The following AFAP1 variants were observed in gnomAD, a reference collection of about 807,000 sequenced individuals.
The protein encoded by AFAP1 is actin filament associated protein 1.
A neutral mutation model predicts 93.9 loss-of-function variants in AFAP1; 75 were observed. That is an observed-to-expected ratio of 0.80 (90% CI 0.66 to 0.97). The LOEUF is 0.97. Ranked by LOEUF, AFAP1 falls within the 50% of genes least tolerant of loss-of-function variation. The pLI is 0.00. For missense variants in AFAP1, 1,201 were observed against 1,050.8 expected (o/e 1.14, Z -1.98); for synonymous variants, 517 against 430.7 (o/e 1.20, Z -2.48).
chr4:7,827,003 C>T (rs12644359), intron 6 of AFAP1, among the ~76,000 whole-genome samples: 4,869 of 151,680 alleles, frequency 0.032, 250 homozygotes, highest in African/African-American at 0.1. Flanking sequence ...AAAAGGCAGG[C>T]GACATAAAGA....
chr4:7,896,931 T>C (rs760071770), intron 1 of AFAP1, among the ~76,000 whole-genome samples: 4 of 151,980 alleles, frequency 2.6e-5, no homozygotes, highest in African/African-American at 7.2e-5. Flanking sequence ...GGTGTATCTA[T>C]GGCCCATTCC....
At chr4:7,830,438 G>A (rs1302903104) in intron 6 of AFAP1, among the ~76,000 whole-genome samples, 4 of 152,180 alleles carry the variant, frequency 2.6e-5, no homozygotes, top group South Asian at 2.1e-4. Context: ...AGTAGCAACA[G>A]CCCGTGAGCA....
Position 7,813,528 on chromosome 4 carries a change from G to GA in AFAP1, c.904+2489dup, listed in dbSNP as rs765600370. ...GAACCTAATAGATGCACTGGGAGAA[G>GA]AAACAGCAAACCAGAAAATGAACCA... On this transcript the variant is annotated intron_variant, in intron 8 of 17. Coordinates refer to ENST00000420658, the MANE Select transcript of AFAP1 (RefSeq NM_001134647.2). 1.5e-3 allele frequency among the ~76,000 whole-genome samples: 233 copies of GA among 152,326 alleles called. 2 individuals are homozygous for GA. The highest frequency in any genetic ancestry group is 2.1e-3 in the Non-Finnish European group (144 of 68,030).
chr4:7,833,581 G>A (rs1327754371), intron 6 of AFAP1, among the ~76,000 whole-genome samples: 3 of 140,628 alleles, frequency 2.1e-5, no homozygotes, highest in Non-Finnish European at 4.5e-5. Flanking sequence ...AAAACAGTGT[G>A]GAGATGTCTT....
chr4:7,841,475 A>G (rs1000512112), intron 5 of AFAP1, among the ~76,000 whole-genome samples: 1 of 152,240 alleles, frequency 6.6e-6, no homozygotes, highest in African/African-American at 2.4e-5. Context: ...GAGCTACCTG[A>G]GCACAGAAGG....
In AFAP1 at chr4:7,760,619, G is replaced by A. The variant is rs900176802; in HGVS notation, c.*3146C>T. 6.6e-6 allele frequency: 1 copy of A among 152,208 alleles called. No homozygotes were observed. Among genetic ancestry groups the A allele is most frequent in the Non-Finnish European group, 1.5e-5 (1 of 68,004 alleles). The allele number at this position is 152,208 out of a possible 1,614,324, so 9.4% of individuals were successfully genotyped here. On this transcript the variant is annotated 3_prime_UTR_variant, in exon 18 of 18. Transcript: ENST00000420658. ...CCTGTGCCCAGGTCAGGGGGACAAAGGGAGCCCTCGAATCTGATAGTTGTT... is the reference window on the plus strand; with the variant it reads ...CCTGTGCCCAGGTCAGGGGGACAAAAGGAGCCCTCGAATCTGATAGTTGTT...
intron 1 of AFAP1, among the ~76,000 whole-genome samples, chr4:7,921,475 G>A (rs953456763): frequency 1.3e-5 from 1 of 75,414 alleles, no homozygotes; most frequent in Non-Finnish European, 2.4e-5. Context: ...ATGAGCCACC[G>A]CACCTGGCCA....
intron 12 of AFAP1, among the ~76,000 whole-genome samples, chr4:7,785,062 G>A (rs1261234634): frequency 1.3e-5 from 2 of 152,026 alleles, no homozygotes; most frequent in African/African-American, 4.8e-5. Flanking sequence ...CCCAGTACTG[G>A]GAGACAAATG....
intron 4 of AFAP1, among the ~76,000 whole-genome samples, chr4:7,852,055 T>C (rs1714499827): frequency 6.6e-6 from 1 of 152,134 alleles, no homozygotes; most frequent in Non-Finnish European, 1.5e-5. Context: ...ACTTACCCAA[T>C]AGGTCAAAAT....
intron 14 of AFAP1, chr4:7,776,256 CTG>C (rs1716103762): frequency 6.6e-6 from 1 of 152,182 alleles, no homozygotes; most frequent in African/African-American, 2.4e-5. Context: ...AATAAAAACA[CTG>C]GACTCAGAGA....
intron 5 of AFAP1, among the ~76,000 whole-genome samples, chr4:7,840,263 T>G (rs1036220616): frequency 3.2e-5 from 1 of 31,564 alleles, no homozygotes; most frequent in Non-Finnish European, 7.4e-5. Context: ...GTTTTTGGGA[T>G]GTGTGTGTGT....
At chr4:7,888,441 TAC>T (rs1048999629) in intron 1 of AFAP1, among the ~76,000 whole-genome samples, 1 of 152,160 alleles carries the variant, frequency 6.6e-6, no homozygotes, top group African/African-American at 2.4e-5. Context: ...GTCACACAGG[TAC>T]AGACATTAAT....
At chr4:7,927,343 G>T (rs980189157) in intron 1 of AFAP1, among the ~76,000 whole-genome samples, 14 of 152,126 alleles carry the variant, frequency 9.2e-5, no homozygotes, top group Non-Finnish European at 1.8e-4. Context: ...AACAGCACTG[G>T]CTGTGTGATG....
chr4:7,831,877 C>T (rs1663195917), intron 6 of AFAP1, among the ~76,000 whole-genome samples: 1 of 152,118 alleles, frequency 6.6e-6, no homozygotes, highest in Non-Finnish European at 1.5e-5. Context: ...GTCGTTCCCT[C>T]CTTACGGAAG....
intron 5 of AFAP1, among the ~76,000 whole-genome samples, chr4:7,840,784 G>A (rs1259105370): frequency 6.6e-6 from 1 of 152,194 alleles, no homozygotes; most frequent in Non-Finnish European, 1.5e-5. Context: ...TGTATAAAAA[G>A]AAAGGTGAAA....
intron 7 of AFAP1, among the ~76,000 whole-genome samples, chr4:7,817,759 GT>G (rs1720609993): frequency 2.3e-5 from 2 of 88,138 alleles, no homozygotes; most frequent in Non-Finnish European, 4.5e-5. Flanking sequence ...TAATATAAAG[GT>G]TAAGTAAAAA....
At chr4:7,838,859 TAC>T (rs1712642538) in intron 5 of AFAP1, among the ~76,000 whole-genome samples, 156 bp from the exon 6 acceptor site, 1 of 147,730 alleles carries the variant, frequency 6.8e-6, no homozygotes, top group African/African-American at 2.6e-5. Context: ...CACACACACA[TAC>T]ACACAGTGCT....
Position 7,763,938 on chromosome 4 carries a change from T to C in AFAP1, c.2419-147A>G. On this transcript the variant is annotated intron_variant, in intron 17 of 17. Transcript: ENST00000420658. Reference sequence around the variant, plus strand: ...GAATCAATGACCAATGACCCGGCAATTCCACTGCTAGGTATTCACCTATCA... The same window carrying C: ...GAATCAATGACCAATGACCCGGCAACTCCACTGCTAGGTATTCACCTATCA... 6.8e-6 allele frequency: 5 copies of C among 735,276 alleles called. 1 individual carries two copies. The highest frequency in any genetic ancestry group is 6.5e-5 in the South Asian group (4 of 61,616). 45.5% of individuals were successfully genotyped at this position (735,276 alleles called of 1,614,324 possible). A position where few individuals can be genotyped will look rare whatever the true frequency, so the allele number is the denominator to read the frequency against.
intron 1 of AFAP1, among the ~76,000 whole-genome samples, chr4:7,898,892 C>G (rs200067814): frequency 9.1e-6 from 1 of 109,904 alleles, no homozygotes; most frequent in African/African-American, 2.8e-5. Context: ...TGTGTATATA[C>G]AGAGAGGGAG....
Sources: gnomAD v4.1 joint callset for allele counts (sites outside exome capture counted in the v4.1 genomes callset) on GRCh38, gnomAD v4.1.1 for gene constraint, MANE v1.5 for transcripts, NCBI Gene and HGNC (gene_info 2026-07-23, HGNC 2026-07-21) for gene names.